Variants in DEPDC5 observed in about 807,000 individuals in gnomAD.
The protein encoded by DEPDC5 is GATOR1 complex protein DEPDC5.
In DEPDC5, 73 loss-of-function variants were observed where a neutral mutation model predicts 217.3. The ratio of observed to expected loss-of-function variants is 0.34; its 90% CI spans 0.28 to 0.41. The LOEUF is 0.41. Among genes scored for constraint, DEPDC5 ranks in the 10% least tolerant of loss-of-function variants. The probability of loss-of-function intolerance (pLI) is 1.00; values close to 1 mark genes in which losing one functional copy is unlikely to be tolerated. For missense variants in DEPDC5, 1,675 were observed against 2,070.1 expected (o/e 0.81, Z 3.70); for synonymous variants, 733 against 756.7 (o/e 0.97, Z 0.51).
chr22:31,806,169 G>A lies in DEPDC5; in HGVS notation c.1265G>A (p.Arg422Gln), dbSNP rs886039277. 7 of 1,613,720 alleles carry A rather than the reference G, an allele frequency of 4.3e-6. No individual in the cohort carries two copies. Among genetic ancestry groups the A allele is most frequent in the Non-Finnish European group, 5.9e-6 (7 of 1,179,886 alleles). ...SQLFCNSFTP[R>Q]IKLAGKKPAS... ...CTCTTTTGTAATAGTTTCACCCCAC[G>A]AATAAAACTGGCAGGAAAGAAGGTA... is the stretch of plus-strand genomic sequence containing the variant. Residue 422 changes from arginine to glutamine, a missense_variant, in exon 18 of 43, where the codon CGA becomes CAA. Around this residue, in one of 11 missense-constraint regions of DEPDC5, gnomAD observed 628 missense variants for 762.1 expected, o/e 0.82. Coordinates refer to ENST00000651528, the MANE Select transcript of DEPDC5 (RefSeq NM_001242896.3).
At chr22:31,831,519 G>A (rs2090593314) in intron 24 of DEPDC5, among the ~76,000 whole-genome samples, 1 of 152,028 alleles carries the variant, frequency 6.6e-6, no homozygotes, top group Admixed American at 6.6e-5. Flanking sequence ...GTGCAGTGGT[G>A]TGATCTCAGC....
chr22:31,761,230 C>T (rs1363746179), intron 4 of DEPDC5, among the ~76,000 whole-genome samples: 1 of 152,144 alleles, frequency 6.6e-6, no homozygotes, highest in Non-Finnish European at 1.5e-5. Context: ...ATCCTCCTGC[C>T]TTGGCCCCCC....
chr22:31,854,958 G>GTT (rs200660036), intron 31 of DEPDC5, among the ~76,000 whole-genome samples: 22 of 140,178 alleles, frequency 1.6e-4, no homozygotes, highest in East Asian at 2.0e-4. Flanking sequence ...AGTCTTGCTG[G>GTT]TTTTTTTTTT....
intron 37 of DEPDC5, among the ~76,000 whole-genome samples, chr22:31,878,411 G>A (rs1054297366): frequency 1.3e-5 from 2 of 152,038 alleles, no homozygotes; most frequent in Admixed American, 6.6e-5. Flanking sequence ...GTATGAAACT[G>A]ATCATAAGGT....
chr22:31,899,145 T>C (rs947271715), intron 40 of DEPDC5, among the ~76,000 whole-genome samples: 9 of 152,238 alleles, frequency 5.9e-5, no homozygotes, highest in Non-Finnish European at 1.3e-4. Context: ...TCCCTGCCAG[T>C]TGTAACTCAG....
chr22:31,893,517 A>T, intron 38 of DEPDC5, 65 bp from the exon 39 acceptor site: 1 of 1,416,618 alleles, frequency 7.1e-7, no homozygotes, highest in Admixed American at 2.8e-5. Context: ...ATACTTAGTT[A>T]TTTGTTCTTC....
At chr22:31,767,285 C>T (rs1412939468) in intron 6 of DEPDC5, among the ~76,000 whole-genome samples, 1 of 151,998 alleles carries the variant, frequency 6.6e-6, no homozygotes, top group Non-Finnish European at 1.5e-5. Context: ...GAATTACAGG[C>T]ACCCACCACC....
At chr22:31,757,533 G>C (rs752373426) in intron 2 of DEPDC5, 22 of 152,122 alleles carry the variant, frequency 1.4e-4, no homozygotes, top group Non-Finnish European at 2.6e-4. Flanking sequence ...GTAAGCCAAT[G>C]TTTCATTTTA....
chr22:31,828,428 G>A (rs896728589), intron 24 of DEPDC5, among the ~76,000 whole-genome samples: 2 of 131,790 alleles, frequency 1.5e-5, no homozygotes, highest in Non-Finnish European at 3.1e-5. Flanking sequence ...CTCCAGCCTA[G>A]GCAACAAGAG....
chr22:31,898,454 C>T (rs528209344), intron 40 of DEPDC5, among the ~76,000 whole-genome samples: 3 of 152,238 alleles, frequency 2.0e-5, no homozygotes, highest in Admixed American at 6.5e-5. Flanking sequence ...TTTTTTAAAA[C>T]GCAAAGCTAG....
rs201776005 is a variant in DEPDC5, at chr22:31,802,725, A to G, written c.968A>G (p.Asn323Ser). Residue 323 changes from asparagine (N) to serine (S), a missense_variant, in exon 15 of 43, where the codon AAC becomes AGC. By Grantham distance (46) the Asn-to-Ser change is conservative (BLOSUM62 1). Around this residue, in one of 11 missense-constraint regions of DEPDC5, gnomAD observed 628 missense variants for 762.1 expected, o/e 0.82. Transcript: ENST00000651528. ...SFNVFDKHYI[N>S]RNFDRTGQMS... ...CTAGTGTTTGATAAGCACTACATCAACCGCAACTTTGACCGAACTGGGCAG... is the reference window on the plus strand; with the variant it reads ...CTAGTGTTTGATAAGCACTACATCAGCCGCAACTTTGACCGAACTGGGCAG... 455 of 1,588,148 alleles carry G rather than the reference A, an allele frequency of 2.9e-4. 1 individual carries two copies. Among genetic ancestry groups the G allele is most frequent in the Non-Finnish European group, 3.5e-4 (406 of 1,167,942 alleles).
At chr22:31,843,916 T>A in intron 29 of DEPDC5, 104 bp downstream of exon 29, 1 of 1,275,496 alleles carries the variant, frequency 7.8e-7, no homozygotes, top group Non-Finnish European at 1.0e-6. Context: ...CTTTTTCTTT[T>A]TTTTTTTCTT....
chr22:31,782,258 C>G (rs1245823289), intron 8 of DEPDC5, among the ~76,000 whole-genome samples: 1 of 151,880 alleles, frequency 6.6e-6, no homozygotes, highest in East Asian at 1.9e-4. Flanking sequence ...CTGCCTCAGC[C>G]TCCCCAGTAG....
Position 31,833,986 on chromosome 22 carries a change from A to T in DEPDC5, c.2170+6A>T. The T allele has an allele frequency of 6.2e-7, 1 of 1,613,478 alleles. No homozygotes were observed. Among genetic ancestry groups the T allele is most frequent in the South Asian group, 1.1e-5 (1 of 91,058 alleles). On this transcript the variant is annotated splice_donor_region_variant and intron_variant, in intron 25 of 42. Transcript: ENST00000651528. Reference sequence around the variant, plus strand: ...TTCTACCTCTCCAGACCCAAGTAAGAGGGGGCAGCTGACTGGGGAAAGGGG... The same window carrying T: ...TTCTACCTCTCCAGACCCAAGTAAGTGGGGGCAGCTGACTGGGGAAAGGGG...
In DEPDC5 at chr22:31,870,703, A is replaced by T. The variant is rs1302758120; in HGVS notation, c.3444A>T (p.Ile1148=). The change falls in exon 34 of 43, where the codon ATA becomes ATT. Residue 1148 remains isoleucine (I), a synonymous_variant. Coordinates refer to ENST00000651528, the MANE Select transcript of DEPDC5 (RefSeq NM_001242896.3). ...AGACCTTTGGGAACTCCCAGAACAT[A>T]GGAGAACAGGGCTACTCCTCCACAA... ...NSQTFGNSQN[I]GEQGYSSTNS... is the part of the protein sequence containing the mutation. 1 of 1,599,934 alleles carries T rather than the reference A, an allele frequency of 6.3e-7. No individual in the cohort carries two copies. Among genetic ancestry groups the T allele is most frequent in the Non-Finnish European group, 8.5e-7 (1 of 1,174,082 alleles).
intron 24 of DEPDC5, among the ~76,000 whole-genome samples, chr22:31,824,956 A>C (rs2090021318): frequency 6.6e-6 from 1 of 150,882 alleles, no homozygotes; most frequent in Non-Finnish European, 1.5e-5. Context: ...AGCCTGGGCG[A>C]CAGAGCAAGA....
At chr22:31,772,744 T>C (rs917819703) in intron 7 of DEPDC5, among the ~76,000 whole-genome samples, 2 of 151,504 alleles carry the variant, frequency 1.3e-5, no homozygotes, top group African/African-American at 4.8e-5. Flanking sequence ...TCATTTTTTT[T>C]TCTATTGCTT....
intron 31 of DEPDC5, among the ~76,000 whole-genome samples, chr22:31,847,387 G>C (rs867369088): frequency 3.1e-4 from 47 of 151,028 alleles, no homozygotes; most frequent in African/African-American, 1.0e-3. Flanking sequence ...AGGTATATTA[G>C]TCCATTCTCA....
At chr22:31,839,632 G>T (rs1321731617) in intron 27 of DEPDC5, among the ~76,000 whole-genome samples, 1 of 147,094 alleles carries the variant, frequency 6.8e-6, no homozygotes, top group Non-Finnish European at 1.5e-5. Flanking sequence ...CGGTCATCCA[G>T]TCCAGGCCCT....
Sources: allele counts gnomAD v4.1 joint callset (sites outside exome capture counted in the v4.1 genomes callset), GRCh38; gene constraint gnomAD v4.1.1; regional missense constraint gnomAD v4.1.1; transcripts MANE v1.5; gene names NCBI Gene and HGNC (gene_info 2026-07-23, HGNC 2026-07-21).